The following DCN variants were observed in gnomAD, a reference collection of about 807,000 sequenced individuals.
DCN encodes decorin.
In DCN, 17 loss-of-function variants were observed where a neutral mutation model predicts 36.5. That is an observed-to-expected ratio of 0.47 (90% CI 0.32 to 0.70). DCN has a LOEUF of 0.70. DCN is among the 30% of genes least tolerant of loss of function. DCN has a pLI of 0.04. For missense variants in DCN, 389 were observed against 430.1 expected, an observed-to-expected ratio of 0.90 and a Z score of 0.84; for synonymous variants, 163 against 161.4, an observed-to-expected ratio of 1.01 and a Z score of -0.07.
At chr12:91,153,249 G>A in intron 5 of DCN, 60 bp from the exon 6 acceptor site, 1 of 957,218 alleles carries the variant, frequency 1.0e-6, no homozygotes, top group Non-Finnish European at 1.7e-6. Flanking sequence ...ACAGAATGTG[G>A]ACAAACTTAA....
intron 3 of DCN, among the ~76,000 whole-genome samples, chr12:91,161,006 T>C (rs1882123426): frequency 6.6e-6 from 1 of 152,182 alleles, no homozygotes; most frequent in Admixed American, 6.5e-5. Flanking sequence ...TTTCTCTCCT[T>C]CCTTAAGTGT....
chr12:91,159,563 G>A lies in DCN; in HGVS notation c.325-1054C>T, dbSNP rs1381532147. On this transcript the variant is annotated intron_variant, in intron 3 of 7. Coordinates refer to ENST00000052754, the MANE Select transcript of DCN (RefSeq NM_001920.5). Reference sequence around the variant, plus strand: ...AGATATGGTCAATATGACACAGAGAGCCTTAACATATTTTTCTCCTGATTT... The same window carrying A: ...AGATATGGTCAATATGACACAGAGAACCTTAACATATTTTTCTCCTGATTT... Among the ~76,000 whole-genome samples the A allele has an allele frequency of 2.0e-5, 3 of 151,786 alleles. No individual in the cohort carries two copies. In the South Asian group the frequency reaches 6.2e-4, roughly 32 times the overall value.
At chr12:91,176,053 G>T (rs1173427470) in intron 2 of DCN, 1 of 152,060 alleles carries the variant, frequency 6.6e-6, no homozygotes, top group African/African-American at 2.4e-5. Context: ...CATAAAGTAA[G>T]GAAGAGTTAG....
chr12:91,168,053 G>A (rs1472832914), intron 2 of DCN, among the ~76,000 whole-genome samples: 5 of 152,018 alleles, frequency 3.3e-5, no homozygotes, highest in Admixed American at 1.3e-4. Flanking sequence ...GGATGGTCTC[G>A]ATCTCCTGAC....
At chr12:91,162,407 ACT>A (rs1246522007) in intron 3 of DCN, among the ~76,000 whole-genome samples, 2 of 152,112 alleles carry the variant, frequency 1.3e-5, no homozygotes, top group African/African-American at 2.4e-5. Context: ...CATTATAGTA[ACT>A]CTGTAATAAT....
At chr12:91,151,935 C>A in intron 6 of DCN, 143 bp from the exon 7 acceptor site, 2 of 839,588 alleles carry the variant, frequency 2.4e-6, no homozygotes, top group Non-Finnish European at 1.9e-6. Context: ...CTTTCTCCAA[C>A]CTCTCTGAGC....
At chr12:91,154,830 G>C (rs538298642) in intron 5 of DCN, among the ~76,000 whole-genome samples, 1 of 152,122 alleles carries the variant, frequency 6.6e-6, no homozygotes, top group East Asian at 1.9e-4. Flanking sequence ...AATCCTAGTA[G>C]ACAGGGTTAT....
Position 91,164,611 on chromosome 12 carries a change from G to T in DCN, c.318C>A (p.Asn106Lys), listed in dbSNP as rs1257743347. The change falls in exon 3 of 8, where the codon AAC becomes AAA. Residue 106 changes from asparagine (N) to lysine (K), a missense_variant. Coordinates refer to ENST00000052754, the MANE Select transcript of DCN (RefSeq NM_001920.5). ...AAAAAAAAATAGTTCTTACGTGAAG[G>T]TTCTTCAGGTTCTTAAAGTCTCCAT... ...IKDGDFKNLK[N>K]LHALILVNNK... The T allele has an allele frequency of 1.0e-5, 16 of 1,572,574 alleles. No homozygotes were observed. Among genetic ancestry groups the T allele is most frequent in the South Asian group, 7.8e-5 (7 of 90,230 alleles).
chr12:91,162,088 G>A (rs1212356027), intron 3 of DCN, among the ~76,000 whole-genome samples: 3 of 151,766 alleles, frequency 2.0e-5, no homozygotes, highest in Non-Finnish European at 2.9e-5. Context: ...CTACAGGAGC[G>A]CGCCACCATG....
At chr12:91,182,325 C>T (rs890073972) in intron 1 of DCN, among the ~76,000 whole-genome samples, 2 of 151,980 alleles carry the variant, frequency 1.3e-5, no homozygotes, top group African/African-American at 2.4e-5. Flanking sequence ...GAATACTTTT[C>T]GGTTACCATC....
In DCN at chr12:91,178,308, T is replaced by A. The variant is rs745812009; in HGVS notation, c.211+34A>T. On this transcript the variant is annotated intron_variant, in intron 2 of 7. Coordinates refer to ENST00000052754, the MANE Select transcript of DCN (RefSeq NM_001920.5). ...TTGCCATTCCCAAGAATAAAACAAGTAAGGTAGGTAAAGAGAAACTGCATC... is the reference window on the plus strand; with the variant it reads ...TTGCCATTCCCAAGAATAAAACAAGAAAGGTAGGTAAAGAGAAACTGCATC... 10 of 1,563,978 alleles carry A rather than the reference T, an allele frequency of 6.4e-6. 1 individual carries two copies. In the South Asian group the frequency reaches 1.1e-4, roughly 17 times the overall value.
chr12:91,171,595 G>A (rs541486838), intron 2 of DCN, among the ~76,000 whole-genome samples: 2 of 152,300 alleles, frequency 1.3e-5, no homozygotes, highest in Admixed American at 1.3e-4. Context: ...ATTCTGGGAT[G>A]CTTGCTCTGG....
chr12:91,180,173 C>T (rs1883508386), intron 1 of DCN: 1 of 151,794 alleles, frequency 6.6e-6, no homozygotes, highest in South Asian at 2.1e-4. Flanking sequence ...GATATTTAGT[C>T]CCATCATCTC....
intron 2 of DCN, among the ~76,000 whole-genome samples, chr12:91,165,420 G>A (rs566806): frequency 0.37 from 56,856 of 151,916 alleles, 12,823 homozygotes; most frequent in African/African-American, 0.63. Context: ...TTTTGGTCTA[G>A]CTGAGTGTAT....
At chr12:91,170,039 G>C (rs867685634) in intron 2 of DCN, 6 of 151,126 alleles carry the variant, frequency 4.0e-5, no homozygotes, top group Admixed American at 2.0e-4. Flanking sequence ...ACTCCAGCCT[G>C]GGTGACAGAG....
chr12:91,168,315 C>T (rs552586225), intron 2 of DCN, among the ~76,000 whole-genome samples: 8 of 152,096 alleles, frequency 5.3e-5, no homozygotes, highest in Non-Finnish European at 1.0e-4. Context: ...GAAGCATATC[C>T]GTTATCCCTC....
intron 1 of DCN, among the ~76,000 whole-genome samples, chr12:91,181,665 A>G (rs913801237): frequency 6.6e-6 from 1 of 152,102 alleles, no homozygotes; most frequent in Admixed American, 6.6e-5. Context: ...ATCCAGATCA[A>G]CATTTGCATT....
At chr12:91,169,395 A>AC (rs1474200671) in intron 2 of DCN, among the ~76,000 whole-genome samples, 3 of 150,828 alleles carry the variant, frequency 2.0e-5, no homozygotes, top group African/African-American at 7.4e-5. Flanking sequence ...AAAAAAAAAA[A>AC]AAAAAACCAA....
chr12:91,143,228 C>T lies in DCN; in HGVS notation c.*2830G>A, dbSNP rs1449754258. 6.6e-6 allele frequency: 1 copy of T among 152,178 alleles called. No homozygotes were observed. Among genetic ancestry groups the T allele is most frequent in the African/African-American group, 2.4e-5 (1 of 41,432 alleles). 9.4% of individuals were successfully genotyped at this position (152,178 alleles called of 1,614,324 possible). On this transcript the variant is annotated 3_prime_UTR_variant, in exon 8 of 8. Transcript: ENST00000052754. ...GGAAGGAATCTGACCCTGCTGACAC[C>T]TTGATTTTGAATTTTTAGCCTCCAG...
Sources: gnomAD v4.1 joint callset for allele counts (sites outside exome capture counted in the v4.1 genomes callset) on GRCh38, gnomAD v4.1.1 for gene constraint, MANE v1.5 for transcripts, NCBI Gene and HGNC (gene_info 2026-07-23, HGNC 2026-07-21) for gene names.